PPARGC1A: variants seen among roughly 807,000 people sequenced by gnomAD.
PPARGC1A encodes peroxisome proliferator-activated receptor gamma coactivator 1-alpha.
In PPARGC1A, 25 loss-of-function variants were observed where a neutral mutation model predicts 88.7. The observed-to-expected ratio is 0.28, with a 90% CI of 0.21 to 0.39. The LOEUF is 0.39. PPARGC1A is among the 10% of genes least tolerant of loss of function. The pLI is 1.00. For synonymous variants in PPARGC1A, 363 were observed against 355.6 expected, an observed-to-expected ratio of 1.02 and a Z score of -0.24; for missense variants, 880 against 968.7, an observed-to-expected ratio of 0.91 and a Z score of 1.22.
intron 10 of PPARGC1A, among the ~76,000 whole-genome samples, chr4:23,807,108 T>G (rs1719946595): frequency 1.3e-5 from 2 of 152,162 alleles, no homozygotes; most frequent in East Asian, 3.9e-4. Flanking sequence ...CATTCCTAGA[T>G]TAGCTGTAAC....
the PPARGC1A span, among the ~76,000 whole-genome samples, chr4:24,471,633 C>T: frequency 6.6e-6 from 1 of 152,208 alleles, no homozygotes; most frequent in Non-Finnish European, 1.5e-5. The surrounding 1 kb of genome is among the most constrained non-coding windows in gnomAD (Gnocchi z 5.4). Context: ...CCCCTTCCGG[C>T]GTCTACCCCC....
intron 2 of PPARGC1A, among the ~76,000 whole-genome samples, chr4:23,832,480 C>T (rs549158901): frequency 2.0e-5 from 3 of 152,168 alleles, no homozygotes; most frequent in South Asian, 4.2e-4. Flanking sequence ...AAACTCTGGA[C>T]GTATTTTTAC....
At chr4:24,096,288 T>C in the PPARGC1A span, among the ~76,000 whole-genome samples, 1 of 152,188 alleles carries the variant, frequency 6.6e-6, no homozygotes, top group Non-Finnish European at 1.5e-5. Flanking sequence ...TGAGAGTCAA[T>C]TAAACCTCTT....
At chr4:24,472,777 C>G in the PPARGC1A span, among the ~76,000 whole-genome samples, 1 of 151,648 alleles carries the variant, frequency 6.6e-6, no homozygotes, top group African/African-American at 2.4e-5. The surrounding 1 kb of genome is among the most constrained non-coding windows in gnomAD (Gnocchi z 4.5). Context: ...TGTGTGCGCG[C>G]GTGTGTGTGC....
chr4:24,082,383 C>T, the PPARGC1A span, among the ~76,000 whole-genome samples: 10 of 151,960 alleles, frequency 6.6e-5, no homozygotes, highest in African/African-American at 1.7e-4. Context: ...GGCTTGATAA[C>T]GTCAGCTCTG....
the PPARGC1A span, among the ~76,000 whole-genome samples, chr4:24,171,154 G>A: frequency 1.3e-5 from 2 of 152,096 alleles, no homozygotes; most frequent in African/African-American, 4.8e-5. Context: ...GCTCACGCCT[G>A]TAATCCCAGC....
At chr4:24,290,365 T>C in the PPARGC1A span, among the ~76,000 whole-genome samples, 1 of 152,190 alleles carries the variant, frequency 6.6e-6, no homozygotes, top group African/African-American at 2.4e-5. Flanking sequence ...TTATATTTTT[T>C]ATACTTATTT....
the PPARGC1A span, among the ~76,000 whole-genome samples, chr4:24,129,767 C>T: frequency 2.0e-5 from 3 of 152,110 alleles, no homozygotes; most frequent in African/African-American, 7.2e-5. Context: ...CAATGACAGA[C>T]TGGATTAAGA....
chr4:23,941,701 A>G, the PPARGC1A span, among the ~76,000 whole-genome samples: 1 of 152,132 alleles, frequency 6.6e-6, no homozygotes, highest in African/African-American at 2.4e-5. Flanking sequence ...GGGGTCATGA[A>G]CAGTCCTAGG....
the PPARGC1A span, among the ~76,000 whole-genome samples, chr4:24,203,717 T>C: frequency 2.9e-4 from 44 of 152,372 alleles, no homozygotes; most frequent in African/African-American, 1.0e-3. Context: ...AACCCCATTG[T>C]GAACATCTGA....
chr4:23,804,749 C>T (rs749938920), intron 10 of PPARGC1A, among the ~76,000 whole-genome samples: 91 of 152,230 alleles, frequency 6.0e-4, no homozygotes, highest in Middle Eastern at 3.4e-3. Context: ...CACCTTCCTT[C>T]CCAAAGCCTT....
chr4:24,091,114 T>C, the PPARGC1A span, among the ~76,000 whole-genome samples: 7 of 152,222 alleles, frequency 4.6e-5, no homozygotes, highest in Non-Finnish European at 1.0e-4. Context: ...ACAGGTGTTG[T>C]ATTAAATTTT....
chr4:23,902,526 C>G (rs1465022233), upstream of PPARGC1A, among the ~76,000 whole-genome samples: 1 of 152,192 alleles, frequency 6.6e-6, no homozygotes, highest in African/African-American at 2.4e-5. Context: ...TCCCATAAAA[C>G]TTTTCAGCAC....
chr4:24,361,871 G>A, the PPARGC1A span, among the ~76,000 whole-genome samples: 1 of 152,158 alleles, frequency 6.6e-6, no homozygotes, highest in African/African-American at 2.4e-5. Flanking sequence ...GCTCCAGGCA[G>A]GAGAAACATA....
chr4:23,864,107 TC>T (rs1198204272), intron 2 of PPARGC1A, among the ~76,000 whole-genome samples: 2 of 152,192 alleles, frequency 1.3e-5, no homozygotes, highest in Non-Finnish European at 2.9e-5. Flanking sequence ...CTCATAGGTT[TC>T]ACAGATCTCT....
intron 10 of PPARGC1A, among the ~76,000 whole-genome samples, chr4:23,804,848 C>T (rs1311954336): frequency 6.6e-6 from 1 of 152,194 alleles, no homozygotes; most frequent in East Asian, 1.9e-4. Flanking sequence ...CTACAACAAC[C>T]TTAAGCTCAA....
At chr4:24,118,335 G>A in the PPARGC1A span, among the ~76,000 whole-genome samples, 2 of 152,080 alleles carry the variant, frequency 1.3e-5, no homozygotes, top group South Asian at 2.1e-4. Flanking sequence ...CAGTTTGAAC[G>A]TTTGAAGAAA....
the PPARGC1A span, among the ~76,000 whole-genome samples, chr4:24,089,510 C>CTTTTTTTTTTTTTTTTTTTTT: frequency 3.0e-5 from 1 of 33,820 alleles, no homozygotes; most frequent in African/African-American, 6.8e-5. Context: ...CTTTTCTTTT[C>CTTTTTTTTTTTTTTTTTTTTT]TTTCTTTTTT....
At chr4:24,360,936 A>G in the PPARGC1A span, among the ~76,000 whole-genome samples, 1 of 152,190 alleles carries the variant, frequency 6.6e-6, no homozygotes, top group Non-Finnish European at 1.5e-5. Flanking sequence ...ATTCAATAAA[A>G]TATTAGCTAG....
Sources: gnomAD v4.1 joint callset for allele counts (sites outside exome capture counted in the v4.1 genomes callset) on GRCh38, gnomAD v4.1.1 for gene constraint, Gnocchi (gnomAD v3.1) non-coding constraint, MANE v1.5 for transcripts, NCBI Gene and HGNC (gene_info 2026-07-23, HGNC 2026-07-21) for gene names.